MME: variants seen among roughly 807,000 people sequenced by gnomAD.
MME encodes the protein neprilysin.
In MME, 98 loss-of-function variants were observed where a neutral mutation model predicts 113.2. The observed-to-expected ratio is 0.87, with a 90% CI of 0.74 to 1.02. MME has a LOEUF of 1.02. MME is among the 50% of genes least tolerant of loss of function. MME has a pLI of 0.00. For synonymous variants in MME, 292 were observed against 300.6 expected, an observed-to-expected ratio of 0.97 and a Z score of 0.30; for missense variants, 836 against 896.0, an observed-to-expected ratio of 0.93 and a Z score of 0.86.
chr3:155,098,003 C>T (rs935621114), intron 3 of MME, among the ~76,000 whole-genome samples: 2 of 152,022 alleles, frequency 1.3e-5, no homozygotes, highest in Admixed American at 6.6e-5. Context: ...AGCACCTAAA[C>T]GCAGAGTGAG....
Position 155,148,643 on chromosome 3 carries a change from G to A in MME, c.1591G>A (p.Asp531Asn), listed in dbSNP as rs773480841. 6.2e-7 allele frequency: 1 copy of A among 1,610,394 alleles called. No homozygotes were observed. The highest frequency in any genetic ancestry group is 8.5e-7 in the Non-Finnish European group (1 of 1,176,928). ...KQLKKLREKV[D>N]KDEWISGAAV... ...ACTGAAGAAGCTCCGAGAAAAGGTG[G>A]ACAAAGATGAGTGCGTATATTCTCA... is the stretch of plus-strand genomic sequence containing the variant. The change falls in exon 16 of 23, where the codon GAC (aspartate) becomes AAC (asparagine). Residue 531 changes from aspartate (D) to asparagine (N), a missense_variant. Coordinates refer to ENST00000360490, the MANE Select transcript of MME (RefSeq NM_007289.4).
intron 3 of MME, among the ~76,000 whole-genome samples, chr3:155,110,915 A>T (rs1718141551): frequency 6.6e-6 from 1 of 152,204 alleles, no homozygotes; most frequent in Middle Eastern, 3.2e-3. Flanking sequence ...ACAACATTCC[A>T]TGTCAATACA....
At chr3:155,135,846 A>C (rs116754851) in intron 8 of MME, among the ~76,000 whole-genome samples, 197 of 152,232 alleles carry the variant, frequency 1.3e-3, no homozygotes, top group African/African-American at 4.5e-3. Flanking sequence ...GAAATATTTC[A>C]TCTCCTTAGT....
intron 22 of MME, among the ~76,000 whole-genome samples, chr3:155,177,361 C>A (rs2108385773): frequency 6.6e-6 from 1 of 152,308 alleles, no homozygotes; most frequent in Non-Finnish European, 1.5e-5. Context: ...AGCTAGGCAT[C>A]CTGAATTGGG....
intron 1 of MME, among the ~76,000 whole-genome samples, chr3:155,030,416 G>T (rs78465478): frequency 1.3e-5 from 2 of 152,096 alleles, no homozygotes; most frequent in African/African-American, 2.4e-5. Flanking sequence ...TGTTTTTGTT[G>T]TTGTTGTTGT....
intron 1 of MME, among the ~76,000 whole-genome samples, chr3:155,034,737 C>T (rs1309669535): frequency 2.0e-5 from 3 of 152,174 alleles, no homozygotes; most frequent in African/African-American, 7.2e-5. Context: ...TCTGCCCCTT[C>T]CTAACAAAAC....
chr3:155,049,633 AT>A (rs1298705606), intron 1 of MME, among the ~76,000 whole-genome samples: 4 of 75,068 alleles, frequency 5.3e-5, no homozygotes, highest in Admixed American at 1.2e-4. Context: ...TAGTATATCT[AT>A]CTATCTATCT....
intron 1 of MME, among the ~76,000 whole-genome samples, chr3:155,056,163 T>C (rs1713919693): frequency 6.6e-6 from 1 of 152,198 alleles, no homozygotes; most frequent in African/African-American, 2.4e-5. Context: ...TTTCCTCTTC[T>C]AGCATCCTTT....
In MME at chr3:155,147,222, G is replaced by A. The variant is rs201292663; in HGVS notation, c.1495G>A (p.Glu499Lys). The A allele has an allele frequency of 4.6e-5, 72 of 1,580,370 alleles. No homozygotes were observed. The highest frequency in any genetic ancestry group is 5.7e-5 in the Non-Finnish European group (65 of 1,149,620). ...NDNKLNNEYL[E>K]LNYKEDEYFE... ...TAACAAACTGAATAATGAGTACCTCGAGGTAAGTCTCTATAAAATAGACTC... is the reference window on the plus strand; with the variant it reads ...TAACAAACTGAATAATGAGTACCTCAAGGTAAGTCTCTATAAAATAGACTC... The change falls in exon 15 of 23, where the codon GAG becomes AAG. Residue 499 changes from glutamate to lysine, a missense_variant and splice_region_variant. Glu to Lys is a moderately conservative substitution (Grantham distance 56). Coordinates refer to ENST00000360490, the MANE Select transcript of MME (RefSeq NM_007289.4).
chr3:155,144,032 T>A (rs1180358242), intron 13 of MME, among the ~76,000 whole-genome samples: 1 of 152,208 alleles, frequency 6.6e-6, no homozygotes, highest in Non-Finnish European at 1.5e-5. Context: ...TGCTACTTTA[T>A]GCTTAGCTAA....
intron 18 of MME, 140 bp downstream of exon 18, chr3:155,167,161 C>A: frequency 8.5e-7 from 1 of 1,173,524 alleles, no homozygotes; most frequent in South Asian, 1.3e-5. Context: ...TTTCAATTTT[C>A]CCTTTAAATT....
chr3:155,138,742 T>C (rs2108304821), intron 9 of MME, among the ~76,000 whole-genome samples: 1 of 152,186 alleles, frequency 6.6e-6, no homozygotes, highest in South Asian at 2.1e-4. Context: ...GGTAAGACAA[T>C]AATTTTGCAA....
intron 3 of MME, among the ~76,000 whole-genome samples, chr3:155,112,946 T>A (rs1271801625): frequency 1.3e-5 from 2 of 152,170 alleles, no homozygotes; most frequent in Non-Finnish European, 2.9e-5. Context: ...AAACTCAAAG[T>A]AGTCTCACAT....
At chr3:155,077,183 A>C (rs142669959), upstream of MME, among the ~76,000 whole-genome samples, 737 of 152,248 alleles carry the variant, frequency 4.8e-3, 5 homozygotes, top group East Asian at 0.017. Context: ...ATTTTCTTTT[A>C]CTTGCCTGCT....
intron 8 of MME, among the ~76,000 whole-genome samples, chr3:155,132,181 T>G (rs1030044155): frequency 2.0e-5 from 3 of 152,238 alleles, no homozygotes; most frequent in African/African-American, 7.2e-5. Flanking sequence ...TGTTCCTCCC[T>G]GGGTCTTGAT....
chr3:155,112,002 TA>T (rs1718232020), intron 3 of MME, among the ~76,000 whole-genome samples: 1 of 150,552 alleles, frequency 6.6e-6, no homozygotes, highest in Admixed American at 6.7e-5. Context: ...CCCGTTACCA[TA>T]TTTTTATTTC....
intron 3 of MME, among the ~76,000 whole-genome samples, chr3:155,108,179 G>C (rs1463539346): frequency 6.6e-6 from 1 of 152,052 alleles, no homozygotes; most frequent in Admixed American, 6.6e-5. Flanking sequence ...AGTGTAGTAG[G>C]GACTTTATAT....
chr3:155,176,766 C>A (rs907174156), intron 22 of MME, among the ~76,000 whole-genome samples: 6 of 152,116 alleles, frequency 3.9e-5, no homozygotes, highest in Non-Finnish European at 8.8e-5. Context: ...GTCAAGGCTG[C>A]AGTGAGCTGT....
chr3:155,148,695 G>A, intron 16 of MME, 42 bp downstream of exon 16: 3 of 1,407,906 alleles, frequency 2.1e-6, no homozygotes, highest in Non-Finnish European at 3.0e-6. Context: ...CTAGAAGCAG[G>A]TCTTTCCCTC....
Sources: gnomAD v4.1 joint callset for allele counts (sites outside exome capture counted in the v4.1 genomes callset) on GRCh38, gnomAD v4.1.1 for gene constraint, MANE v1.5 for transcripts, NCBI Gene and HGNC (gene_info 2026-07-23, HGNC 2026-07-21) for gene names.